Variants in NXN observed in about 807,000 individuals in gnomAD.
NXN encodes the protein nucleoredoxin.
Under a neutral mutation model 48.6 loss-of-function variants are expected in NXN, and 16 were observed. The ratio of observed to expected loss-of-function variants is 0.33; its 90% CI spans 0.22 to 0.50. NXN has a LOEUF of 0.50. Among genes scored for constraint, NXN ranks in the 20% least tolerant of loss-of-function variants. The pLI is 0.98. For synonymous variants in NXN, 281 were observed against 269.6 expected (o/e 1.04, Z -0.41); for missense variants, 492 against 605.5 (o/e 0.81, Z 1.97).
At chr17:970,332 C>T (rs1186892983) in intron 1 of NXN, among the ~76,000 whole-genome samples, 3 of 151,548 alleles carry the variant, frequency 2.0e-5, no homozygotes, top group Non-Finnish European at 4.4e-5. Context: ...ACCTGAAGTT[C>T]AATTTTGTCT....
At chr17:819,287 A>G in intron 5 of NXN, 152 bp downstream of exon 5, 2 of 695,412 alleles carry the variant, frequency 2.9e-6, no homozygotes, top group Non-Finnish European at 5.1e-6. Context: ...AATTCACACC[A>G]TGAAAATTCT....
chr17:904,513 C>G lies in NXN; in HGVS notation c.360+74806G>C, dbSNP rs528916096. Among the ~76,000 whole-genome samples the G allele has an allele frequency of 1.4e-4, 22 of 152,258 alleles. 1 individual carries two copies. In the East Asian group the frequency reaches 4.1e-3, roughly 28 times the overall value. ...TGACCCAACACATTCCCATCAGTAA[C>G]AGGAACTCACCCACATGGCAGTATT... On this transcript the variant is annotated intron_variant, in intron 1 of 7. Transcript: ENST00000336868.
rs867168048 is a variant in NXN at position 841,652 on chromosome 17, G to A, written c.361-15574C>T. 1.0e-3 allele frequency among the ~76,000 whole-genome samples: 137 copies of A among 137,158 alleles called. 1 individual carries two copies. Among genetic ancestry groups the A allele is most frequent in the African/African-American group, 3.7e-3 (123 of 33,292 alleles). 90.0% of individuals were successfully genotyped at this position (137,158 alleles called of 152,430 possible). A position where few individuals can be genotyped will look rare whatever the true frequency, so the allele number is the denominator to read the frequency against. On this transcript the variant is annotated intron_variant, in intron 1 of 7. Transcript: ENST00000336868. ...CAAGCAGGTCCACCCTGACCACAGCGCATCTCACGCCGGCGAGCAGGTCCA... is the reference window on the plus strand; with the variant it reads ...CAAGCAGGTCCACCCTGACCACAGCACATCTCACGCCGGCGAGCAGGTCCA...
chr17:937,754 G>A (rs11658300), intron 1 of NXN, among the ~76,000 whole-genome samples: 2,395 of 152,324 alleles, frequency 0.016, 38 homozygotes, highest in Non-Finnish European at 0.023. Flanking sequence ...GGGGACGCCG[G>A]GAACCACATG....
At chr17:859,713 G>A (rs7209784) in intron 1 of NXN, among the ~76,000 whole-genome samples, 90 of 152,120 alleles carry the variant, frequency 5.9e-4, no homozygotes, top group African/African-American at 2.0e-3. Flanking sequence ...CATCAAACGC[G>A]ATTCAATGGA....
Position 952,703 on chromosome 17 carries a change from GAC to G in NXN, c.360+26614_360+26615del, listed in dbSNP as rs1239365491. Among the ~76,000 whole-genome samples, 63 of 52,026 alleles carry G rather than the reference GAC, an allele frequency of 1.2e-3. 5 individuals carry two copies. Among genetic ancestry groups the G allele is most frequent in the Admixed American group, 1.8e-3 (8 of 4,432 alleles). 34.1% of individuals were successfully genotyped at this position (52,026 alleles called of 152,430 possible). Reference sequence around the variant, plus strand: ...TCACACTGTGGGGGGGCTGGAGTCAGACAGACCAAGGTTGGAACCCGGCAGGT... The same window carrying G: ...TCACACTGTGGGGGGGCTGGAGTCAGAGACCAAGGTTGGAACCCGGCAGGT... On this transcript the variant is annotated intron_variant, in intron 1 of 7. Transcript: ENST00000336868.
rs560570902 is a variant in NXN, at chr17:951,059, G to A, written c.360+28260C>T. Reference sequence around the variant, plus strand: ...CGCATTATAAAAAGCACTTCCGGCCGGGCACGGTGGCTCACGCCTGTAATC... The same window carrying A: ...CGCATTATAAAAAGCACTTCCGGCCAGGCACGGTGGCTCACGCCTGTAATC... On this transcript the variant is annotated intron_variant, in intron 1 of 7. Transcript: ENST00000336868. Among the ~76,000 whole-genome samples the A allele has an allele frequency of 1.8e-3, 279 of 151,844 alleles. 1 individual carries two copies. The highest frequency in any genetic ancestry group is 3.0e-3 in the Admixed American group (46 of 15,206).
chr17:915,082 C>G (rs1004624010), intron 1 of NXN, among the ~76,000 whole-genome samples: 2 of 151,354 alleles, frequency 1.3e-5, no homozygotes, highest in African/African-American at 2.4e-5. Context: ...ATACAGGCAC[C>G]CGCCACAACG....
intron 1 of NXN, among the ~76,000 whole-genome samples, chr17:878,511 T>A (rs924228522): frequency 5.1e-4 from 3 of 5,860 alleles, no homozygotes; most frequent in Admixed American, 4.6e-3. Flanking sequence ...CCCTTGAAGG[T>A]GGGGTTTGGG....
intron 1 of NXN, among the ~76,000 whole-genome samples, chr17:855,089 C>T (rs575997937): frequency 5.2e-4 from 79 of 152,190 alleles, no homozygotes; most frequent in South Asian, 8.3e-4. Context: ...CCAGCCTGGG[C>T]AACATAGCAA....
At chr17:889,699 AAAAG>A (rs201931057) in intron 1 of NXN, among the ~76,000 whole-genome samples, 1,380 of 126,632 alleles carry the variant, frequency 0.011, 22 homozygotes, top group East Asian at 0.054. Context: ...GAAAGAAAGA[AAAAG>A]AAAGAAAGAA....
intron 1 of NXN, among the ~76,000 whole-genome samples, chr17:857,529 G>T (rs550856123): frequency 1.6e-4 from 24 of 152,276 alleles, no homozygotes; most frequent in Non-Finnish European, 3.1e-4. Context: ...CAAAGTGCTG[G>T]GATTACAGGT....
chr17:834,453 T>C (rs1355101698), intron 1 of NXN, among the ~76,000 whole-genome samples: 1 of 151,806 alleles, frequency 6.6e-6, no homozygotes, highest in Non-Finnish European at 1.5e-5. Flanking sequence ...CTTGCTCTGT[T>C]GCCCAGGCTG....
At chr17:951,102 C>T (rs1360012633) in intron 1 of NXN, among the ~76,000 whole-genome samples, 1 of 144,116 alleles carries the variant, frequency 6.9e-6, no homozygotes, top group Non-Finnish European at 1.5e-5. Flanking sequence ...TTTGGGAGGC[C>T]GAGGCTGGCA....
At chr17:848,129 G>A (rs909629512) in intron 1 of NXN, among the ~76,000 whole-genome samples, 1 of 150,596 alleles carries the variant, frequency 6.6e-6, no homozygotes, top group Non-Finnish European at 1.5e-5. Context: ...ATTACTGAAC[G>A]TTGATTTCCT....
At position 849,849 on chromosome 17, in the gene NXN, T is replaced by TA. The variant is rs2067904998; in HGVS notation, c.361-23772dup. 6.6e-6 allele frequency among the ~76,000 whole-genome samples: 1 copy of TA among 151,608 alleles called. No individual in the cohort carries two copies. The highest frequency in any genetic ancestry group is 2.4e-5 in the African/African-American group (1 of 41,244). ...TGGAGCTGACGGAGAGGAGGACAGA[T>TA]AAGGAGGGGCAGGAGAGACACCAGA... On this transcript the variant is annotated intron_variant, in intron 1 of 7. Coordinates refer to ENST00000336868, the MANE Select transcript of NXN (RefSeq NM_022463.5). This position sits in a 1 kb window ranked among gnomAD's most constrained non-coding sequence, Gnocchi z 4.2.
intron 5 of NXN, among the ~76,000 whole-genome samples, chr17:810,762 C>T (rs551935248): frequency 6.6e-6 from 1 of 151,988 alleles, no homozygotes; most frequent in African/African-American, 2.4e-5. Context: ...GGTAGCGCAC[C>T]CCTGTACTCC....
intron 1 of NXN, among the ~76,000 whole-genome samples, chr17:931,611 CG>C (rs1403445761): frequency 7.6e-6 from 1 of 131,422 alleles, no homozygotes; most frequent in Non-Finnish European, 1.6e-5. Context: ...CCGAGGTGGG[CG>C]GATCGTGAGG....
At chr17:855,525 C>T (rs922599730) in intron 1 of NXN, among the ~76,000 whole-genome samples, 3 of 152,154 alleles carry the variant, frequency 2.0e-5, no homozygotes, top group South Asian at 2.1e-4. Context: ...GTTCTATTCA[C>T]GAACAGGTTT....
Sources: allele counts gnomAD v4.1 joint callset (sites outside exome capture counted in the v4.1 genomes callset), GRCh38; gene constraint gnomAD v4.1.1; non-coding constraint Gnocchi (gnomAD v3.1); transcripts MANE v1.5; gene names NCBI Gene and HGNC (gene_info 2026-07-23, HGNC 2026-07-21).